PTAFR: variants seen among roughly 807,000 people sequenced by gnomAD.
PTAFR encodes the protein platelet-activating factor receptor.
PTAFR carries 8 observed loss-of-function variants against 14.7 expected under a neutral mutation model. The observed-to-expected ratio is 0.54, with a 90% CI of 0.32 to 0.98. The LOEUF is 0.98. Among genes scored for constraint, PTAFR ranks in the 50% least tolerant of loss-of-function variants. The pLI, the probability that PTAFR is intolerant of heterozygous loss-of-function variation, is 0.04. For missense variants in PTAFR, 337 were observed against 451.2 expected (o/e 0.75, Z 2.29); for synonymous variants, 156 against 176.5 (o/e 0.88, Z 0.92).
At chr1:28,192,458 T>C (rs1646661335) in intron 1 of PTAFR, among the ~76,000 whole-genome samples, 1 of 147,866 alleles carries the variant, frequency 6.8e-6, no homozygotes, top group African/African-American at 2.5e-5. Flanking sequence ...CTTGGAAGTC[T>C]GAGGCAGGAG....
intron 1 of PTAFR, among the ~76,000 whole-genome samples, chr1:28,191,615 AG>A (rs1646653283): frequency 1.3e-5 from 2 of 148,334 alleles, no homozygotes; most frequent in African/African-American, 5.0e-5. Context: ...AGAGAGAGAG[AG>A]GTCTCCTAGA....
chr1:28,190,086 C>T (rs1413856801), intron 1 of PTAFR, among the ~76,000 whole-genome samples: 2 of 152,166 alleles, frequency 1.3e-5, no homozygotes, highest in Non-Finnish European at 2.9e-5. Context: ...GATTCTCCTG[C>T]CTCGGCCTCC....
chr1:28,181,700 C>G lies in PTAFR; in HGVS notation c.-39+12022G>C, dbSNP rs1210810256. 9.2e-5 allele frequency among the ~76,000 whole-genome samples: 14 copies of G among 151,930 alleles called. 1 individual carries two copies. On this transcript the variant is annotated intron_variant, in intron 1 of 1. Transcript: ENST00000305392. ...GAGGTTGCGGTGAGCCGAGATTGCA[C>G]CATTGCACTCCAGCCTGGGCAACAA...
intron 1 of PTAFR, among the ~76,000 whole-genome samples, chr1:28,165,089 A>G (rs1646367620): frequency 6.6e-6 from 1 of 152,194 alleles, no homozygotes; most frequent in Non-Finnish European, 1.5e-5. Context: ...AGTATTCAAA[A>G]AAAATAACAT....
At chr1:28,168,197 T>C (rs564441755) in intron 1 of PTAFR, among the ~76,000 whole-genome samples, 141 of 149,022 alleles carry the variant, frequency 9.5e-4, no homozygotes, top group Non-Finnish European at 1.7e-3. Flanking sequence ...GGTCTCAATC[T>C]GCTGACCTCG....
At position 28,152,607 on chromosome 1, in the gene PTAFR, G is replaced by A. The variant is rs149557285; in HGVS notation, c.-38-1548C>T. Among the ~76,000 whole-genome samples the A allele has an allele frequency of 7.0e-3, 1,065 of 152,196 alleles. 11 individuals are homozygous for A. The highest frequency in any genetic ancestry group is 0.024 in the African/African-American group (1,001 of 41,526). Reference sequence around the variant, plus strand: ...AAAATACAAAAATTAGCTGGGCGTGGTGGCAGGCGCCTGTAATCCCAGCTA... The same window carrying A: ...AAAATACAAAAATTAGCTGGGCGTGATGGCAGGCGCCTGTAATCCCAGCTA... On this transcript the variant is annotated intron_variant, in intron 1 of 1. Coordinates refer to ENST00000373857, the MANE Select transcript of PTAFR (RefSeq NM_000952.5).
At chr1:28,171,320 C>G (rs913093704) in intron 1 of PTAFR, among the ~76,000 whole-genome samples, 14 of 148,624 alleles carry the variant, frequency 9.4e-5, no homozygotes, top group Non-Finnish European at 1.6e-4. Flanking sequence ...GAGACTCCAT[C>G]TCAAAAAAAA....
intron 1 of PTAFR, chr1:28,193,585 G>C (rs1452646548): frequency 2.0e-5 from 3 of 153,592 alleles, no homozygotes; most frequent in African/African-American, 7.2e-5. Context: ...TCCTTGAGGG[G>C]GTGCCAACAG....
intron 1 of PTAFR, among the ~76,000 whole-genome samples, chr1:28,151,272 C>G (rs370667953): frequency 6.6e-6 from 1 of 151,896 alleles, no homozygotes; most frequent in African/African-American, 2.4e-5. Flanking sequence ...CTCCGCCTCC[C>G]GGGTTCAAGC....
intron 1 of PTAFR, among the ~76,000 whole-genome samples, chr1:28,162,690 G>A (rs963787501): frequency 6.6e-6 from 1 of 151,976 alleles, no homozygotes; most frequent in Non-Finnish European, 1.5e-5. Flanking sequence ...GCCAGGCATG[G>A]TGGTGGGTGC....
Position 28,176,064 on chromosome 1 carries a change from TGGGTTCTCC to T in PTAFR, c.-39+519_-39+527del, listed in dbSNP as rs564565334. 1.9e-4 allele frequency among the ~76,000 whole-genome samples: 29 copies of T among 152,228 alleles called. 1 individual carries two copies. The South Asian group carries it at 5.6e-3, about 29-fold the overall frequency. ...CCTCAGAAAAGCCAAACTTGGGTGT[TGGGTTCTCC>T]AGGAATGTTTGGACACTAGAAGTTA... On this transcript the variant is annotated intron_variant, in intron 1 of 1. Coordinates refer to ENST00000373857, the MANE Select transcript of PTAFR (RefSeq NM_000952.5).
intron 1 of PTAFR, among the ~76,000 whole-genome samples, chr1:28,189,543 G>A (rs1249555481): frequency 2.0e-5 from 3 of 151,930 alleles, no homozygotes; most frequent in South Asian, 2.1e-4. Context: ...AACCCAGGAG[G>A]TGGAGGTTGC....
upstream of PTAFR, among the ~76,000 whole-genome samples, chr1:28,178,593 A>G (rs1426143696): frequency 6.6e-6 from 1 of 152,046 alleles, no homozygotes; most frequent in Non-Finnish European, 1.5e-5. Flanking sequence ...TGCCTCAGTC[A>G]TGTAGAACTA....
rs780344665 is a variant in PTAFR at position 28,167,633 on chromosome 1, A to ATTTTTTTTTT, written c.-39+8949_-39+8958dup. On this transcript the variant is annotated intron_variant, in intron 1 of 1. Transcript: ENST00000373857. ...TATATTCAAAAGAACTGAAAACGGGATTTTTTTTTTTTTTTTTTTTTTTTT... is the reference window on the plus strand; with the variant it reads ...TATATTCAAAAGAACTGAAAACGGGATTTTTTTTTTTTTTTTTTTTTTTTTTTTTTTTTTT... Among the ~76,000 whole-genome samples, 233 of 80,250 alleles carry ATTTTTTTTTT rather than the reference A, an allele frequency of 2.9e-3. 34 individuals carry two copies. The highest frequency in any genetic ancestry group is 0.011 in the African/African-American group (203 of 18,048). 52.6% of individuals were successfully genotyped at this position (80,250 alleles called of 152,430 possible). A position where few individuals can be genotyped will look rare whatever the true frequency, so the allele number is the denominator to read the frequency against.
chr1:28,154,549 C>T (rs534527233), intron 1 of PTAFR, among the ~76,000 whole-genome samples: 16 of 152,076 alleles, frequency 1.1e-4, no homozygotes, highest in Admixed American at 9.8e-4. Flanking sequence ...TGGTGGCTCA[C>T]GCCTGTAATC....
intron 1 of PTAFR, among the ~76,000 whole-genome samples, chr1:28,184,844 T>G (rs1557698682): frequency 6.6e-6 from 1 of 152,124 alleles, no homozygotes; most frequent in East Asian, 1.9e-4. Context: ...TTCACCATGT[T>G]GGCCAGGCTG....
chr1:28,183,902 A>C (rs1200155183), intron 1 of PTAFR, among the ~76,000 whole-genome samples: 2 of 151,922 alleles, frequency 1.3e-5, no homozygotes, highest in Non-Finnish European at 2.9e-5. Flanking sequence ...AAAACAAAAC[A>C]AAACAAAAAA....
At chr1:28,174,165 C>A (rs1366331746) in intron 1 of PTAFR, among the ~76,000 whole-genome samples, 1 of 152,152 alleles carries the variant, frequency 6.6e-6, no homozygotes, top group African/African-American at 2.4e-5. Context: ...GAGGGGGCTG[C>A]AGCAGGGTCC....
At chr1:28,159,632 G>A (rs1646301671) in intron 1 of PTAFR, among the ~76,000 whole-genome samples, 1 of 152,002 alleles carries the variant, frequency 6.6e-6, no homozygotes, top group Admixed American at 6.6e-5. Context: ...GAGGTCAGGA[G>A]TTCCAGACCA....
Sources: allele counts gnomAD v4.1 joint callset (sites outside exome capture counted in the v4.1 genomes callset), GRCh38; gene constraint gnomAD v4.1.1; transcripts MANE v1.5; gene names NCBI Gene and HGNC (gene_info 2026-07-23, HGNC 2026-07-21).